Variants in ZPBP observed in about 807,000 individuals in gnomAD.
ZPBP encodes the protein zona pellucida-binding protein 1.
A neutral mutation model predicts 44.8 loss-of-function variants in ZPBP; 26 were observed. That is an observed-to-expected ratio of 0.58 (90% CI 0.43 to 0.81). ZPBP has a LOEUF of 0.81. Among genes scored for constraint, ZPBP ranks in the 30% least tolerant of loss-of-function variants. The pLI is 0.00. For synonymous variants in ZPBP, 174 were observed against 153.2 expected (o/e 1.14, Z -1.00); for missense variants, 409 against 434.0 (o/e 0.94, Z 0.51).
chr7:50,001,083 C>A (rs573085835), intron 6 of ZPBP, among the ~76,000 whole-genome samples: 10 of 152,274 alleles, frequency 6.6e-5, no homozygotes, highest in Non-Finnish European at 1.3e-4. Context: ...CCTGCCAACA[C>A]CCTGATCGTG....
chr7:49,895,298 A>G (rs1792327796), intron 2 of ZPBP, among the ~76,000 whole-genome samples: 1 of 152,156 alleles, frequency 6.6e-6, no homozygotes, highest in South Asian at 2.1e-4. Context: ...TCATGACTTA[A>G]TCACCTCCTG....
chr7:49,925,553 C>G (rs944312800), intron 1 of ZPBP, among the ~76,000 whole-genome samples: 2 of 152,236 alleles, frequency 1.3e-5, no homozygotes, highest in African/African-American at 4.8e-5. Context: ...GAAAGATGGC[C>G]AATGCCAATC....
At chr7:50,056,503 TA>T (rs1258906017) in intron 4 of ZPBP, 1 of 152,218 alleles carries the variant, frequency 6.6e-6, no homozygotes, top group Non-Finnish European at 1.5e-5. Context: ...ATCCATCTGC[TA>T]AATCCCTTTT....
chr7:50,018,430 A>C (rs1209645144), intron 5 of ZPBP, 114 bp from the exon 6 acceptor site: 3 of 926,024 alleles, frequency 3.2e-6, no homozygotes, highest in Non-Finnish European at 4.9e-6. Context: ...TAAAATATTA[A>C]GCAATTTTCC....
At chr7:49,964,532 G>A (rs1040303690) in intron 7 of ZPBP, among the ~76,000 whole-genome samples, 1 of 151,984 alleles carries the variant, frequency 6.6e-6, no homozygotes, top group Non-Finnish European at 1.5e-5. Context: ...TAAAAAATGT[G>A]TTAGACATCA....
intron 4 of ZPBP, among the ~76,000 whole-genome samples, chr7:50,053,466 T>C (rs1800785430): frequency 6.6e-6 from 1 of 152,220 alleles, no homozygotes; most frequent in African/African-American, 2.4e-5. Flanking sequence ...GCTCAACCAC[T>C]TCTGTTCTTG....
intron 4 of ZPBP, among the ~76,000 whole-genome samples, chr7:50,045,458 G>C (rs917192606): frequency 3.3e-5 from 5 of 152,150 alleles, no homozygotes; most frequent in Admixed American, 3.3e-4. Context: ...AAAGTCTCAA[G>C]ATACAAAATC....
At chr7:49,919,120 T>TG (rs1327376579) in intron 1 of ZPBP, 2 of 151,774 alleles carry the variant, frequency 1.3e-5, no homozygotes, top group Non-Finnish European at 2.9e-5. Flanking sequence ...CTATCCTACA[T>TG]GGGGCACAGT....
chr7:49,857,876 G>A (rs979414180), intron 2 of ZPBP, among the ~76,000 whole-genome samples: 4 of 152,208 alleles, frequency 2.6e-5, no homozygotes, highest in Non-Finnish European at 5.9e-5. Flanking sequence ...GGGTCTGAAA[G>A]TGGTGGTGAG....
intron 7 of ZPBP, among the ~76,000 whole-genome samples, chr7:49,971,182 T>C (rs1441237265): frequency 6.6e-6 from 1 of 151,762 alleles, no homozygotes; most frequent in Non-Finnish European, 1.5e-5. Context: ...AACACATATA[T>C]GAAACATGAG....
chr7:49,977,036 A>G (rs1322717767), intron 7 of ZPBP, among the ~76,000 whole-genome samples: 3 of 151,808 alleles, frequency 2.0e-5, no homozygotes, highest in Non-Finnish European at 2.9e-5. Flanking sequence ...CAGGAGACGG[A>G]GCTTGCAGTG....
chr7:49,846,249 C>A (rs957070178), downstream of ZPBP, among the ~76,000 whole-genome samples: 1 of 152,188 alleles, frequency 6.6e-6, no homozygotes, highest in Non-Finnish European at 1.5e-5. Flanking sequence ...TTGCTCCAAC[C>A]TGCATGTCGC....
intron 2 of ZPBP, among the ~76,000 whole-genome samples, chr7:50,084,683 G>A (rs1033300795): frequency 1.3e-5 from 2 of 151,758 alleles, no homozygotes; most frequent in Non-Finnish European, 2.9e-5. Flanking sequence ...GAACTACCTA[G>A]TCAATTGGAA....
chr7:49,894,297 T>C (rs1792271441), intron 2 of ZPBP, among the ~76,000 whole-genome samples: 1 of 152,198 alleles, frequency 6.6e-6, no homozygotes, highest in Admixed American at 6.5e-5. Flanking sequence ...GCTGGGATTA[T>C]AGATAGCACC....
intron 4 of ZPBP, among the ~76,000 whole-genome samples, chr7:50,041,427 A>C (rs1800090776): frequency 6.6e-6 from 1 of 152,192 alleles, no homozygotes; most frequent in Admixed American, 6.5e-5. Flanking sequence ...GGCATCTGGC[A>C]GGTGCCCTCT....
intron 3 of ZPBP, among the ~76,000 whole-genome samples, chr7:50,067,495 G>A (rs1391440975): frequency 6.6e-6 from 1 of 152,122 alleles, no homozygotes. Context: ...GTTTCTATAG[G>A]CAAAGACTGC....
intron 2 of ZPBP, among the ~76,000 whole-genome samples, chr7:49,898,803 T>G (rs1792539004): frequency 6.6e-6 from 1 of 152,056 alleles, no homozygotes; most frequent in South Asian, 2.1e-4. Flanking sequence ...AGCTGTATAC[T>G]GCAAAGTCTA....
At chr7:49,875,958 A>G (rs929484448) in intron 2 of ZPBP, among the ~76,000 whole-genome samples, 2 of 152,178 alleles carry the variant, frequency 1.3e-5, no homozygotes, top group African/African-American at 4.8e-5. Flanking sequence ...AATGAGTCGA[A>G]GAAATTGGTG....
intron 1 of ZPBP, among the ~76,000 whole-genome samples, chr7:50,090,154 AAATTC>A (rs1157857029): frequency 1.3e-5 from 2 of 152,098 alleles, no homozygotes; most frequent in African/African-American, 4.8e-5. Context: ...TCGGTTACAT[AAATTC>A]TTTAGTAAGG....
Sources: gnomAD v4.1 joint callset for allele counts (sites outside exome capture counted in the v4.1 genomes callset) on GRCh38, gnomAD v4.1.1 for gene constraint, MANE v1.5 for transcripts, NCBI Gene and HGNC (gene_info 2026-07-23, HGNC 2026-07-21) for gene names.